Variants in DSCAML1 observed in about 807,000 individuals in gnomAD.
The protein encoded by DSCAML1 is DS cell adhesion molecule like 1, also known as cell adhesion molecule DSCAML1.
A neutral mutation model predicts 200.5 loss-of-function variants in DSCAML1; 38 were observed. That is an observed-to-expected ratio of 0.19 (90% CI 0.15 to 0.25). The LOEUF (loss-of-function observed/expected upper bound fraction) is 0.25, where lower values mean the gene tolerates loss of function less well. Ranked by LOEUF, DSCAML1 falls within the 10% of genes least tolerant of loss-of-function variation. DSCAML1 has a pLI of 1.00. For missense variants in DSCAML1, 2,223 were observed against 2,858.8 expected, an observed-to-expected ratio of 0.78 and a Z score of 5.07; for synonymous variants, 1,215 against 1,165.0, an observed-to-expected ratio of 1.04 and a Z score of -0.87.
At chr11:117,684,435 T>C (rs11216500) in intron 3 of DSCAML1, among the ~76,000 whole-genome samples, 18,613 of 75,012 alleles carry the variant, frequency 0.25, 2,203 homozygotes, top group African/African-American at 0.44. Context: ...TTTCATTAAC[T>C]AAAAAAAAAA....
At chr11:117,773,288 A>C (rs2055071502) in intron 3 of DSCAML1, among the ~76,000 whole-genome samples, 1 of 152,052 alleles carries the variant, frequency 6.6e-6, no homozygotes, top group South Asian at 2.1e-4. Context: ...ATGGGCCCAC[A>C]CCAGTCTCCC....
At chr11:117,621,195 C>A (rs912627904) in intron 3 of DSCAML1, among the ~76,000 whole-genome samples, 2 of 152,228 alleles carry the variant, frequency 1.3e-5, no homozygotes, top group Non-Finnish European at 2.9e-5. Flanking sequence ...CTACCACTTA[C>A]TAGCTGTGCA....
At chr11:117,606,208 T>C (rs1057156663) in intron 3 of DSCAML1, among the ~76,000 whole-genome samples, 1 of 152,102 alleles carries the variant, frequency 6.6e-6, no homozygotes, top group Non-Finnish European at 1.5e-5. Context: ...CTTTCCCTCC[T>C]GAGATTTCCC....
At chr11:117,813,521 T>C (rs1288887375) in intron 1 of DSCAML1, among the ~76,000 whole-genome samples, 1 of 152,256 alleles carries the variant, frequency 6.6e-6, no homozygotes, top group Non-Finnish European at 1.5e-5. Context: ...GGCAGGACTA[T>C]GCTGAATCTC....
In DSCAML1 at chr11:117,509,559, C is replaced by T. The variant is rs183419975; in HGVS notation, c.1784-3827G>A. ...GTACTCCAGGCTAGCCACTCACATC[C>T]GGTCAATACACACACCGGGCAGCCT... On this transcript the variant is annotated intron_variant, in intron 8 of 32. Transcript: ENST00000651296. Among the ~76,000 whole-genome samples, 33 of 152,272 alleles carry T rather than the reference C, an allele frequency of 2.2e-4. No individual in the cohort carries two copies. In the South Asian group the frequency reaches 2.7e-3, roughly 12 times the overall value.
In DSCAML1 at chr11:117,489,266, G is replaced by C. The variant is rs1340346316; in HGVS notation, c.2360-7104C>G. On this transcript the variant is annotated intron_variant, in intron 11 of 32. Transcript: ENST00000651296. The surrounding 1 kb of genome is among the most constrained non-coding windows in gnomAD (Gnocchi z 4.8). ...AGGCAGTGGGGACTGCTGCTTTAGG[G>C]GTGCAGGCGGGAGAGCCGGGGTGGG... is the stretch of plus-strand genomic sequence containing the variant. Among the ~76,000 whole-genome samples the C allele has an allele frequency of 6.6e-6, 1 of 152,212 alleles. No individual in the cohort carries two copies. The highest frequency in any genetic ancestry group is 1.5e-5 in the Non-Finnish European group (1 of 68,040).
At chr11:117,653,480 C>G (rs1464103913) in intron 3 of DSCAML1, among the ~76,000 whole-genome samples, 1 of 152,158 alleles carries the variant, frequency 6.6e-6, no homozygotes, top group Non-Finnish European at 1.5e-5. Context: ...TCCATTAAGC[C>G]CTGTCTGTCT....
intron 3 of DSCAML1, among the ~76,000 whole-genome samples, chr11:117,735,060 C>T (rs2137826461): frequency 6.6e-6 from 1 of 152,308 alleles, no homozygotes. Flanking sequence ...TTACTCCACA[C>T]AGCCAGCCTT....
chr11:117,610,245 G>A (rs1329881179), intron 3 of DSCAML1, among the ~76,000 whole-genome samples: 2 of 152,130 alleles, frequency 1.3e-5, no homozygotes, highest in African/African-American at 4.8e-5. Flanking sequence ...AGTCAATGGG[G>A]AATTCCAGAG....
chr11:117,586,190 G>T (rs1218915776), intron 3 of DSCAML1, among the ~76,000 whole-genome samples: 1 of 152,006 alleles, frequency 6.6e-6, no homozygotes, highest in Non-Finnish European at 1.5e-5. Context: ...GGACTAGAAT[G>T]CAGGTCTCTT....
chr11:117,495,410 A>G (rs2049272021), intron 11 of DSCAML1, among the ~76,000 whole-genome samples: 2 of 152,124 alleles, frequency 1.3e-5, no homozygotes, highest in South Asian at 4.1e-4. Flanking sequence ...CCACGTCTAG[A>G]GTCTCTGTGG....
intron 16 of DSCAML1, among the ~76,000 whole-genome samples, chr11:117,467,193 A>ACCCCCCCCCCCCCCCCCCCC (rs757481843): frequency 6.4e-5 from 7 of 109,510 alleles, no homozygotes; most frequent in East Asian, 3.0e-4. Flanking sequence ...GTGCACACAC[A>ACCCCCCCCCCCCCCCCCCCC]CCTCCCCCCT....
In DSCAML1 at chr11:117,809,684, T is replaced by C. The variant is rs1402129691; in HGVS notation, c.-250+7706A>G. The stretch of plus-strand genomic sequence containing the variant: ...AAGAACTACTGGAGGGGACCAATGG[T>C]GTCCTCCAAAACAGACCTCTGATTC... On this transcript the variant is annotated intron_variant, in intron 1 of 2. Transcript: ENST00000525836. Among the ~76,000 whole-genome samples, 3 of 152,176 alleles carry C rather than the reference T, an allele frequency of 2.0e-5. No individual in the cohort carries two copies. In the East Asian group the frequency reaches 5.8e-4, roughly 29 times the overall value.
At chr11:117,532,264 C>T in intron 4 of DSCAML1, 112 bp downstream of exon 4, 1 of 1,048,908 alleles carries the variant, frequency 9.5e-7, no homozygotes, top group Non-Finnish European at 1.3e-6. Flanking sequence ...CTCTGATTTC[C>T]CTGAGTACAC....
At chr11:117,606,473 C>T (rs1180937132) in intron 3 of DSCAML1, among the ~76,000 whole-genome samples, 1 of 152,174 alleles carries the variant, frequency 6.6e-6, no homozygotes, top group African/African-American at 2.4e-5. Flanking sequence ...TCACTTTCAC[C>T]CACTGATTGT....
chr11:117,469,869 G>A lies in DSCAML1; in HGVS notation c.3024+41C>T. 6.5e-7 allele frequency: 1 copy of A among 1,550,170 alleles called. No individual in the cohort carries two copies. The highest frequency in any genetic ancestry group is 8.8e-7 in the Non-Finnish European group (1 of 1,139,182). On this transcript the variant is annotated intron_variant, in intron 16 of 32. Coordinates refer to ENST00000651296, the MANE Select transcript of DSCAML1 (RefSeq NM_020693.4). This position sits in a 1 kb window ranked among gnomAD's most constrained non-coding sequence, Gnocchi z 4.1. ...TCGTCCTGGATTGAGGAGAGAGGAG[G>A]CAAGCAGACATTCCAGGGGAGATGC...
chr11:117,733,760 C>T (rs759252298), intron 3 of DSCAML1, among the ~76,000 whole-genome samples: 6 of 151,824 alleles, frequency 4.0e-5, no homozygotes, highest in Admixed American at 2.0e-4. Flanking sequence ...TCTCAGGAAC[C>T]GATTGCATGC....
At chr11:117,546,155 G>A (rs1329093505) in intron 3 of DSCAML1, among the ~76,000 whole-genome samples, 2 of 152,316 alleles carry the variant, frequency 1.3e-5, no homozygotes, top group East Asian at 3.9e-4. Context: ...CTGCCTTTGG[G>A]CTCTATAGGA....
chr11:117,661,649 C>T (rs1415017490), intron 3 of DSCAML1, among the ~76,000 whole-genome samples: 1 of 152,222 alleles, frequency 6.6e-6, no homozygotes, highest in African/African-American at 2.4e-5. Flanking sequence ...TCCTCTCCTG[C>T]ATCCCTCCCT....
Sources: gnomAD v4.1 joint callset for allele counts (sites outside exome capture counted in the v4.1 genomes callset) on GRCh38, gnomAD v4.1.1 for gene constraint, Gnocchi (gnomAD v3.1) non-coding constraint, MANE v1.5 for transcripts, NCBI Gene and HGNC (gene_info 2026-07-23, HGNC 2026-07-21) for gene names.